EFHD1: variants seen among roughly 807,000 people sequenced by gnomAD.
EFHD1 encodes the protein EF-hand domain family member D1, also known as EF-hand domain-containing protein D1.
A neutral mutation model predicts 17.2 loss-of-function variants in EFHD1; 10 were observed. The ratio of observed to expected loss-of-function variants is 0.58; its 90% CI spans 0.36 to 0.99. EFHD1 has a LOEUF of 0.99. Among genes scored for constraint, EFHD1 ranks in the 50% least tolerant of loss-of-function variants. The pLI, the probability that EFHD1 is intolerant of heterozygous loss-of-function variation, is 0.01. For synonymous variants in EFHD1, 153 were observed against 142.0 expected, an observed-to-expected ratio of 1.08 and a Z score of -0.55; for missense variants, 310 against 327.5, an observed-to-expected ratio of 0.95 and a Z score of 0.41.
intron 2 of EFHD1, among the ~76,000 whole-genome samples, chr2:232,668,573 G>A (rs769958745): frequency 2.0e-5 from 3 of 152,082 alleles, no homozygotes; most frequent in Non-Finnish European, 2.9e-5. Flanking sequence ...TCACCTGGGT[G>A]GGCACTGGCT....
chr2:232,654,502 C>A (rs999810469), intron 1 of EFHD1, among the ~76,000 whole-genome samples: 1 of 143,384 alleles, frequency 7.0e-6, no homozygotes, highest in Non-Finnish European at 1.5e-5. Flanking sequence ...CTCACTGCTA[C>A]CTCCACCTTC....
chr2:232,609,569 C>G (rs1279296743), intron 1 of EFHD1, among the ~76,000 whole-genome samples: 3 of 152,072 alleles, frequency 2.0e-5, no homozygotes, highest in Admixed American at 6.6e-5. Flanking sequence ...TAAGTGGCCC[C>G]CCAGTAGGAA....
At chr2:232,607,668 A>C (rs970038748) in intron 1 of EFHD1, among the ~76,000 whole-genome samples, 6 of 151,980 alleles carry the variant, frequency 3.9e-5, no homozygotes, top group Non-Finnish European at 4.4e-5. Flanking sequence ...AGGTGAGAGA[A>C]TAGCTTAAGC....
Position 232,642,447 on chromosome 2 carries a change from G to A in EFHD1, c.302+8441G>A, listed in dbSNP as rs139870577. Among the ~76,000 whole-genome samples the A allele has an allele frequency of 3.8e-3, 571 of 150,438 alleles. 1 individual carries two copies. The highest frequency in any genetic ancestry group is 0.013 in the African/African-American group (520 of 40,922). ...TAGCCTTGGGTGTCTGCTTAGCCCCGTGGTTGGAGCAGGAGCTCTTGACTT... is the reference window on the plus strand; with the variant it reads ...TAGCCTTGGGTGTCTGCTTAGCCCCATGGTTGGAGCAGGAGCTCTTGACTT... On this transcript the variant is annotated intron_variant, in intron 1 of 3. Transcript: ENST00000264059.
At chr2:232,637,406 C>A (rs1036952451) in intron 1 of EFHD1, among the ~76,000 whole-genome samples, 4 of 143,942 alleles carry the variant, frequency 2.8e-5, no homozygotes, top group Non-Finnish European at 6.0e-5. Context: ...TGCAGTGGTG[C>A]GATCTTGGCT....
chr2:232,632,112 G>T (rs920105670), upstream of EFHD1, among the ~76,000 whole-genome samples: 8 of 152,036 alleles, frequency 5.3e-5, no homozygotes, highest in African/African-American at 1.9e-4. Context: ...AAACAGATGT[G>T]ACAACAAAGC....
intron 1 of EFHD1, among the ~76,000 whole-genome samples, chr2:232,642,049 AGGT>A (rs1204993971): frequency 1.3e-5 from 2 of 152,074 alleles, no homozygotes; most frequent in Non-Finnish European, 2.9e-5. Context: ...TTCCCCTAAG[AGGT>A]GGTCCATGGT....
chr2:232,681,521 C>T, intron 3 of EFHD1, 64 bp from the exon 4 acceptor site: 1 of 1,572,222 alleles, frequency 6.4e-7, no homozygotes, highest in Non-Finnish European at 8.6e-7. Context: ...GCTCAGGTGT[C>T]AGCAGCTCCA....
chr2:232,670,084 T>C, intron 2 of EFHD1, among the ~76,000 whole-genome samples: 1 of 152,184 alleles, frequency 6.6e-6, no homozygotes, highest in East Asian at 1.9e-4. Context: ...TAGATAGCAG[T>C]TGTTTAAAGA....
chr2:232,671,477 G>A (rs1695066734), intron 2 of EFHD1, among the ~76,000 whole-genome samples: 1 of 152,050 alleles, frequency 6.6e-6, no homozygotes, highest in South Asian at 2.1e-4. Flanking sequence ...TGTAATCCCA[G>A]CACTTTGGGA....
intron 3 of EFHD1, among the ~76,000 whole-genome samples, chr2:232,672,892 A>C (rs1695105439): frequency 6.6e-6 from 1 of 152,090 alleles, no homozygotes; most frequent in Admixed American, 6.6e-5. Context: ...AGGACTCTAA[A>C]TTCTTACTTC....
chr2:232,652,318 A>T (rs1187960413), intron 1 of EFHD1, among the ~76,000 whole-genome samples: 1 of 152,148 alleles, frequency 6.6e-6, no homozygotes, highest in Non-Finnish European at 1.5e-5. Flanking sequence ...TAATTGCCAA[A>T]TGTCTAACTC....
chr2:232,669,966 G>A (rs10933405), intron 2 of EFHD1, among the ~76,000 whole-genome samples: 47,998 of 152,066 alleles, frequency 0.32, 8,377 homozygotes, highest in East Asian at 0.51. Flanking sequence ...TCCTGTGGGT[G>A]CATACATTTT....
chr2:232,646,088 C>T (rs1349115982), intron 1 of EFHD1, among the ~76,000 whole-genome samples: 1 of 152,202 alleles, frequency 6.6e-6, no homozygotes, highest in Non-Finnish European at 1.5e-5. Flanking sequence ...CTGGCCTCCC[C>T]CATCCGTCCA....
At chr2:232,657,556 T>A (rs1202092200) in intron 1 of EFHD1, among the ~76,000 whole-genome samples, 1 of 152,116 alleles carries the variant, frequency 6.6e-6, no homozygotes, top group Admixed American at 6.6e-5. Context: ...ACGCCTGTAA[T>A]CCCTGCATTT....
At chr2:232,611,690 C>G (rs1217078226) in intron 1 of EFHD1, 1 of 152,302 alleles carries the variant, frequency 6.6e-6, no homozygotes, top group East Asian at 1.9e-4. Flanking sequence ...ATTCTGCCAA[C>G]AGGAAGCCTT....
intron 3 of EFHD1, among the ~76,000 whole-genome samples, chr2:232,673,653 T>TA (rs774679349): frequency 2.0e-4 from 31 of 152,152 alleles, no homozygotes; most frequent in Non-Finnish European, 3.5e-4. Flanking sequence ...GTGCCTCTAG[T>TA]ACACATGGAA....
chr2:232,638,903 T>C (rs574036514), intron 1 of EFHD1, among the ~76,000 whole-genome samples: 1 of 152,338 alleles, frequency 6.6e-6, no homozygotes, highest in Admixed American at 6.5e-5. Flanking sequence ...TAAGAGGACC[T>C]AGGGCTTGTC....
At chr2:232,622,211 T>A (rs1220715831) in intron 1 of EFHD1, among the ~76,000 whole-genome samples, 1 of 152,208 alleles carries the variant, frequency 6.6e-6, no homozygotes, top group Non-Finnish European at 1.5e-5. Flanking sequence ...CTTACGCCTG[T>A]AATCCCAGCA....
Sources: gnomAD v4.1 joint callset for allele counts (sites outside exome capture counted in the v4.1 genomes callset) on GRCh38, gnomAD v4.1.1 for gene constraint, MANE v1.5 for transcripts, NCBI Gene and HGNC (gene_info 2026-07-23, HGNC 2026-07-21) for gene names.